The following MARCHF2 variants were observed in gnomAD, a reference collection of about 807,000 sequenced individuals.
MARCHF2 encodes membrane associated ring-CH-type finger 2, also known as E3 ubiquitin-protein ligase MARCHF2.
A neutral mutation model predicts 24.0 loss-of-function variants in MARCHF2; 22 were observed. The observed-to-expected ratio is 0.92, with a 90% CI of 0.66 to 1.31. The LOEUF is 1.31. MARCHF2 is among the 50% of genes most tolerant of loss of function. The pLI is 0.00. For missense variants in MARCHF2, 301 were observed against 335.3 expected (o/e 0.90, Z 0.80); for synonymous variants, 154 against 153.0 (o/e 1.01, Z -0.05).
intron 3 of MARCHF2, among the ~76,000 whole-genome samples, chr19:8,428,649 C>CAAAAAAAAAAAAAAAAAAAAAAAAAAA (rs59542078): frequency 3.3e-5 from 1 of 30,620 alleles, no homozygotes; most frequent in African/African-American, 1.3e-4. Context: ...GACTCTATCT[C>CAAAAAAAAAAAAAAAAAAAAAAAAAAA]AAAAAAAAAA....
At chr19:8,420,622 T>G (rs991396552) in intron 1 of MARCHF2, among the ~76,000 whole-genome samples, 3 of 151,870 alleles carry the variant, frequency 2.0e-5, no homozygotes, top group Non-Finnish European at 4.4e-5. Context: ...CCCTGGAGGC[T>G]TTGAGGGTAA....
At chr19:8,416,389 G>A (rs557608723) in intron 1 of MARCHF2, among the ~76,000 whole-genome samples, 4 of 151,330 alleles carry the variant, frequency 2.6e-5, no homozygotes, top group Non-Finnish European at 5.9e-5. Flanking sequence ...CAGAAATGCA[G>A]CAGCTCTGGG....
At chr19:8,425,619 A>ATTT (rs199582202) in intron 2 of MARCHF2, among the ~76,000 whole-genome samples, 1 of 136,328 alleles carries the variant, frequency 7.3e-6, no homozygotes, top group Non-Finnish European at 1.6e-5. Flanking sequence ...GTCCTTGAGG[A>ATTT]TTTTTTTTTT....
intron 1 of MARCHF2, among the ~76,000 whole-genome samples, chr19:8,414,281 T>G (rs1967021900): frequency 6.6e-6 from 1 of 152,120 alleles, no homozygotes; most frequent in Non-Finnish European, 1.5e-5. Flanking sequence ...CCCGTCTTTT[T>G]TTTTTTTAGA....
intron 3 of MARCHF2, among the ~76,000 whole-genome samples, chr19:8,428,034 G>T (rs948133392): frequency 6.6e-6 from 1 of 152,034 alleles, no homozygotes; most frequent in Non-Finnish European, 1.5e-5. Flanking sequence ...GCCGAGGCGG[G>T]CGGATCACGA....
intron 2 of MARCHF2, among the ~76,000 whole-genome samples, chr19:8,424,452 G>A (rs1299973504): frequency 6.6e-6 from 1 of 152,070 alleles, no homozygotes; most frequent in East Asian, 1.9e-4. Flanking sequence ...TGGATCACGA[G>A]GTCAGGAGAT....
chr19:8,430,605 CAGT>C lies in MARCHF2; in HGVS notation c.373-50_373-48del. 1 of 1,473,530 alleles carries C rather than the reference CAGT, an allele frequency of 6.8e-7. No homozygotes were observed. The highest frequency in any genetic ancestry group is 1.1e-5 in the South Asian group (1 of 88,196). The allele number at this position is 1,473,530 out of a possible 1,614,324, so 91.3% of individuals were successfully genotyped here. A position where few individuals can be genotyped will look rare whatever the true frequency, so the allele number is the denominator to read the frequency against. ...CCTGGAGGTCCTTACCCCTCCCCCTCAGTAGCCCCTTCTCTGCCCCCTCTCCTC... is the reference window on the plus strand; with the variant it reads ...CCTGGAGGTCCTTACCCCTCCCCCTCAGCCCCTTCTCTGCCCCCTCTCCTC... On this transcript the variant is annotated intron_variant, in intron 3 of 4. Transcript: ENST00000215555. This position sits in a 1 kb window ranked among gnomAD's most constrained non-coding sequence, Gnocchi z 4.4.
intron 1 of MARCHF2, among the ~76,000 whole-genome samples, chr19:8,417,610 G>C (rs918720077): frequency 1.2e-4 from 18 of 151,978 alleles, no homozygotes; most frequent in African/African-American, 4.1e-4. Flanking sequence ...AGTAATTTTT[G>C]TGCTTCTAGT....
At chr19:8,435,051 G>A (rs575932445) in intron 4 of MARCHF2, among the ~76,000 whole-genome samples, 5 of 137,242 alleles carry the variant, frequency 3.6e-5, no homozygotes, top group East Asian at 4.2e-4. Flanking sequence ...ACAGAGTCTC[G>A]CTCTGTCACC....
chr19:8,425,706 T>A (rs1030253789), intron 2 of MARCHF2, among the ~76,000 whole-genome samples: 28 of 151,440 alleles, frequency 1.8e-4, no homozygotes, highest in African/African-American at 5.8e-4. Context: ...AACCTCTGCC[T>A]TCCAGGCTGA....
In MARCHF2 at chr19:8,438,681, A is replaced by G; in HGVS notation, c.*135A>G. ...GCCTGAACGCTTCTTAGGCCAAGAGACACCATGCAGAGCCTAGTCTGTGAT... is the reference window on the plus strand; with the variant it reads ...GCCTGAACGCTTCTTAGGCCAAGAGGCACCATGCAGAGCCTAGTCTGTGAT... On this transcript the variant is annotated 3_prime_UTR_variant, in exon 5 of 5. Coordinates refer to ENST00000215555, the MANE Select transcript of MARCHF2 (RefSeq NM_001005415.2). 1.2e-6 allele frequency: 1 copy of G among 869,330 alleles called. No individual in the cohort carries two copies. Among genetic ancestry groups the G allele is most frequent in the South Asian group, 1.8e-5 (1 of 55,520 alleles). The allele number at this position is 869,330 out of a possible 1,614,324, so 53.9% of individuals were successfully genotyped here. A position where few individuals can be genotyped will look rare whatever the true frequency, so the allele number is the denominator to read the frequency against.
At chr19:8,415,732 AAACAAAAAAAAC>A (rs1474012109) in intron 1 of MARCHF2, among the ~76,000 whole-genome samples, 7 of 81,142 alleles carry the variant, frequency 8.6e-5, no homozygotes, top group East Asian at 4.9e-4. Flanking sequence ...AAAAAAAAAA[AAACAAAAAAAAC>A]AAAAAAAAAA....
Position 8,438,693 on chromosome 19 carries a change from G to A in MARCHF2, c.*147G>A. The A allele has an allele frequency of 2.9e-6, 2 of 699,886 alleles. No individual in the cohort carries two copies. Among genetic ancestry groups the A allele is most frequent in the South Asian group, 4.1e-5 (2 of 48,216 alleles). 43.4% of individuals were successfully genotyped at this position (699,886 alleles called of 1,614,324 possible). A position where few individuals can be genotyped will look rare whatever the true frequency, so the allele number is the denominator to read the frequency against. On this transcript the variant is annotated 3_prime_UTR_variant, in exon 5 of 5. Transcript: ENST00000215555. The stretch of plus-strand genomic sequence containing the variant: ...CTTAGGCCAAGAGACACCATGCAGA[G>A]CCTAGTCTGTGATCCTGTGTGAAGA...
At chr19:8,414,409 C>T (rs1967025737) in intron 1 of MARCHF2, among the ~76,000 whole-genome samples, 1 of 152,080 alleles carries the variant, frequency 6.6e-6, no homozygotes, top group South Asian at 2.1e-4. Context: ...GTTGGGATTA[C>T]AGGCCCCCGC....
At chr19:8,438,153 C>T (rs1363908136) in intron 4 of MARCHF2, among the ~76,000 whole-genome samples, 2 of 152,118 alleles carry the variant, frequency 1.3e-5, no homozygotes, top group African/African-American at 4.8e-5. Context: ...TTGCTTCCTG[C>T]TGGTGTGTGT....
intron 1 of MARCHF2, among the ~76,000 whole-genome samples, chr19:8,416,211 G>A (rs906435520): frequency 6.6e-6 from 1 of 151,816 alleles, no homozygotes; most frequent in African/African-American, 2.4e-5. Flanking sequence ...GTATGGTGGT[G>A]GGTGCCTGTA....
Position 8,430,973 on chromosome 19 carries a change from CTCTG to C in MARCHF2, c.582+110_582+113del. ...GTGGGGCACGGGGCTCCCTGGCTGC[CTCTG>C]TCTATGGCCGTGGGTGGAAGAGAGC... On this transcript the variant is annotated intron_variant, in intron 4 of 4. Coordinates refer to ENST00000215555, the MANE Select transcript of MARCHF2 (RefSeq NM_001005415.2). This position sits in a 1 kb window ranked among gnomAD's most constrained non-coding sequence, Gnocchi z 4.4. 8.5e-7 allele frequency: 1 copy of C among 1,178,854 alleles called. No individual in the cohort carries two copies. Among genetic ancestry groups the C allele is most frequent in the South Asian group, 1.5e-5 (1 of 68,150 alleles). The allele number at this position is 1,178,854 out of a possible 1,614,324, so 73.0% of individuals were successfully genotyped here. A position where few individuals can be genotyped will look rare whatever the true frequency, so the allele number is the denominator to read the frequency against.
chr19:8,415,744 C>CA (rs542384304), intron 1 of MARCHF2, among the ~76,000 whole-genome samples: 7 of 96,194 alleles, frequency 7.3e-5, no homozygotes, highest in African/African-American at 1.5e-4. Flanking sequence ...ACAAAAAAAA[C>CA]AAAAAAAAAA....
rs143629061 is a variant in MARCHF2 at position 8,438,615 on chromosome 19, G to GACTTCCACTTCAAC, written c.*85_*98dup. 2.6e-6 allele frequency: 4 copies of GACTTCCACTTCAAC among 1,518,030 alleles called. No individual in the cohort carries two copies. In the African/African-American group the frequency reaches 5.5e-5, roughly 21 times the overall value. The allele number at this position is 1,518,030 out of a possible 1,614,324, so 94.0% of individuals were successfully genotyped here. A position where few individuals can be genotyped will look rare whatever the true frequency, so the allele number is the denominator to read the frequency against. ...CTGGTGATACCCTGTCCTGTGGAAGGACTTCCACTTCAACACTTCCACTTC... is the reference window on the plus strand; with the variant it reads ...CTGGTGATACCCTGTCCTGTGGAAGGACTTCCACTTCAACACTTCCACTTCAACACTTCCACTTC... On this transcript the variant is annotated 3_prime_UTR_variant, in exon 5 of 5. Coordinates refer to ENST00000215555, the MANE Select transcript of MARCHF2 (RefSeq NM_001005415.2).
Sources: gnomAD v4.1 joint callset for allele counts (sites outside exome capture counted in the v4.1 genomes callset) on GRCh38, gnomAD v4.1.1 for gene constraint, Gnocchi (gnomAD v3.1) non-coding constraint, MANE v1.5 for transcripts, NCBI Gene and HGNC (gene_info 2026-07-23, HGNC 2026-07-21) for gene names.